FBXO10: variants seen among roughly 807,000 people sequenced by gnomAD.
The protein encoded by FBXO10 is F-box protein 10, also known as F-box only protein 10.
In FBXO10, 39 loss-of-function variants were observed where a neutral mutation model predicts 80.7. The ratio of observed to expected loss-of-function variants is 0.48; its 90% CI spans 0.37 to 0.63. FBXO10 has a LOEUF of 0.63. Ranked by LOEUF, FBXO10 falls within the 30% of genes least tolerant of loss-of-function variation. The pLI is 0.00. For missense variants in FBXO10, 1,025 were observed against 1,269.0 expected (o/e 0.81, Z 2.92); for synonymous variants, 449 against 489.6 (o/e 0.92, Z 1.09).
chr9:37,570,971 C>T (rs1402844040), intron 1 of FBXO10, among the ~76,000 whole-genome samples: 1 of 145,418 alleles, frequency 6.9e-6, no homozygotes. Context: ...TCCAGCCTGG[C>T]GACAGGGCAA....
chr9:37,538,427 GC>G (rs1439841419), intron 2 of FBXO10, among the ~76,000 whole-genome samples: 2 of 152,244 alleles, frequency 1.3e-5, no homozygotes, highest in African/African-American at 2.4e-5. Flanking sequence ...CATGGGCTCT[GC>G]CAGGTGTGGT....
chr9:37,524,117 T>A (rs888191772), intron 6 of FBXO10, among the ~76,000 whole-genome samples: 1 of 151,998 alleles, frequency 6.6e-6, no homozygotes, highest in Admixed American at 6.6e-5. Context: ...CGATGTCCAC[T>A]CGGCCATGCC....
Position 37,533,061 on chromosome 9 carries a change from T to C in FBXO10, c.1420-1003A>G, listed in dbSNP as rs529922714. 2.6e-5 allele frequency among the ~76,000 whole-genome samples: 4 copies of C among 152,330 alleles called. No homozygotes were observed. The South Asian group carries it at 6.2e-4, about 24-fold the overall frequency. On this transcript the variant is annotated intron_variant, in intron 3 of 10. Coordinates refer to ENST00000432825, the MANE Select transcript of FBXO10 (RefSeq NM_012166.3). ...CCAAATGAAGGGATGATTAGAGATATTGGTATAACAAAGCCTCCTTCAAAC... is the reference window on the plus strand; with the variant it reads ...CCAAATGAAGGGATGATTAGAGATACTGGTATAACAAAGCCTCCTTCAAAC...
At chr9:37,571,132 A>C (rs2119203687) in intron 1 of FBXO10, among the ~76,000 whole-genome samples, 1 of 152,334 alleles carries the variant, frequency 6.6e-6, no homozygotes, top group South Asian at 2.1e-4. Flanking sequence ...CTGTGGTCAA[A>C]AATAAGATTG....
At chr9:37,532,192 T>A in intron 3 of FBXO10, 134 bp from the exon 4 acceptor site, 1 of 948,878 alleles carries the variant, frequency 1.1e-6, no homozygotes, top group Non-Finnish European at 1.5e-6. Context: ...AACGCCTCAA[T>A]GCTGGCACAG....
intron 1 of FBXO10, among the ~76,000 whole-genome samples, chr9:37,551,697 G>A (rs1822202527): frequency 6.6e-6 from 1 of 152,188 alleles, no homozygotes; most frequent in Admixed American, 6.5e-5. Flanking sequence ...GACGGCACAA[G>A]CAGCCTTGAA....
At chr9:37,535,884 CTT>C (rs1564341535) in intron 3 of FBXO10, 1 of 152,260 alleles carries the variant, frequency 6.6e-6, no homozygotes, top group Non-Finnish European at 1.5e-5. Context: ...CAGAGCCAGA[CTT>C]TAACTAGAAA....
chr9:37,525,024 T>A, intron 6 of FBXO10, 78 bp downstream of exon 6: 3 of 1,232,356 alleles, frequency 2.4e-6, no homozygotes, highest in Non-Finnish European at 3.5e-6. Flanking sequence ...AAAGGAGCAG[T>A]GTGAGGTCCT....
intron 9 of FBXO10, among the ~76,000 whole-genome samples, chr9:37,517,164 C>T (rs12352667): frequency 0.012 from 1,799 of 151,904 alleles, 41 homozygotes; most frequent in African/African-American, 0.041. Flanking sequence ...ATGCTAATGA[C>T]GAAGAAAAGG....
chr9:37,573,912 AC>A (rs1219065171), intron 1 of FBXO10, among the ~76,000 whole-genome samples: 1 of 152,234 alleles, frequency 6.6e-6, no homozygotes, highest in Non-Finnish European at 1.5e-5. Context: ...AAATTAGCAG[AC>A]ATTTCAAACA....
At chr9:37,525,334 TG>T (rs1202988794) in intron 5 of FBXO10, among the ~76,000 whole-genome samples, 162 bp from the exon 6 acceptor site, 1 of 152,114 alleles carries the variant, frequency 6.6e-6, no homozygotes, top group Non-Finnish European at 1.5e-5. Context: ...CTTGGGAGGC[TG>T]GGGTGGAGGA....
intron 1 of FBXO10, among the ~76,000 whole-genome samples, chr9:37,553,260 C>T (rs567592185): frequency 9.9e-5 from 15 of 152,008 alleles, no homozygotes; most frequent in East Asian, 5.8e-4. Flanking sequence ...CAGATGGTCT[C>T]GATCTCTTGA....
chr9:37,572,999 TG>T (rs1822796517), intron 1 of FBXO10, among the ~76,000 whole-genome samples: 1 of 152,216 alleles, frequency 6.6e-6, no homozygotes, highest in African/African-American at 2.4e-5. Flanking sequence ...TAAATCTGTG[TG>T]GCTCAGGGTG....
At chr9:37,568,640 C>A (rs1360158408) in intron 1 of FBXO10, among the ~76,000 whole-genome samples, 2 of 152,048 alleles carry the variant, frequency 1.3e-5, no homozygotes, top group African/African-American at 4.8e-5. Flanking sequence ...TCTCCTCTAC[C>A]CTAAGGTGGA....
chr9:37,544,641 T>C (rs1023813094), intron 1 of FBXO10, among the ~76,000 whole-genome samples: 6 of 152,146 alleles, frequency 3.9e-5, no homozygotes, highest in South Asian at 2.1e-4. Context: ...ATTCTGCAGA[T>C]TTGTACTGGA....
intron 10 of FBXO10, among the ~76,000 whole-genome samples, chr9:37,514,131 A>G (rs554747718): frequency 6.6e-6 from 1 of 152,380 alleles, no homozygotes; most frequent in African/African-American, 2.4e-5. Flanking sequence ...TGATGTTACA[A>G]TGAAAGGACT....
At chr9:37,523,068 C>G (rs1264265804) in intron 6 of FBXO10, 91 bp from the exon 7 acceptor site, 2 of 1,460,646 alleles carry the variant, frequency 1.4e-6, no homozygotes, top group Non-Finnish European at 1.9e-6. Flanking sequence ...CAAGGCTACT[C>G]CAGACCAGAA....
At chr9:37,558,696 T>A (rs1406523331) in intron 1 of FBXO10, among the ~76,000 whole-genome samples, 1 of 152,134 alleles carries the variant, frequency 6.6e-6, no homozygotes, top group Non-Finnish European at 1.5e-5. Context: ...TTTAGGTGAA[T>A]AATTAATGTA....
intron 1 of FBXO10, among the ~76,000 whole-genome samples, chr9:37,556,487 C>T (rs1420573306): frequency 7.1e-6 from 1 of 140,972 alleles, no homozygotes; most frequent in Non-Finnish European, 1.5e-5. Flanking sequence ...TGCTTTTGTA[C>T]TTTTGTCAAA....
Sources: gnomAD v4.1 joint callset for allele counts (sites outside exome capture counted in the v4.1 genomes callset) on GRCh38, gnomAD v4.1.1 for gene constraint, MANE v1.5 for transcripts, NCBI Gene and HGNC (gene_info 2026-07-23, HGNC 2026-07-21) for gene names.